Variants in LPP observed in about 807,000 individuals in gnomAD.
LPP encodes the protein LIM domain containing preferred translocation partner in lipoma.
Under a neutral mutation model 60.4 loss-of-function variants are expected in LPP, and 38 were observed. The observed-to-expected ratio is 0.63, with a 90% CI of 0.49 to 0.83. LPP has a LOEUF of 0.83. Among genes scored for constraint, LPP ranks in the 40% least tolerant of loss-of-function variants. The pLI is 0.00. For missense variants in LPP, 902 were observed against 783.6 expected (o/e 1.15, Z -1.80); for synonymous variants, 328 against 290.8 (o/e 1.13, Z -1.30).
At chr3:188,508,429 C>T (rs1053105478) in intron 5 of LPP, among the ~76,000 whole-genome samples, 1 of 152,142 alleles carries the variant, frequency 6.6e-6, no homozygotes, top group African/African-American at 2.4e-5. Flanking sequence ...ACAGCTCTGC[C>T]TAGACAAAAT....
chr3:188,429,072 G>T (rs1790247051), intron 4 of LPP, among the ~76,000 whole-genome samples: 1 of 152,112 alleles, frequency 6.6e-6, no homozygotes, highest in Non-Finnish European at 1.5e-5. Flanking sequence ...GACAGCACTA[G>T]AGTTACCTTG....
At chr3:188,268,812 A>G (rs1034811792) in intron 2 of LPP, among the ~76,000 whole-genome samples, 1 of 152,226 alleles carries the variant, frequency 6.6e-6, no homozygotes, top group African/African-American at 2.4e-5. Context: ...TTCTATTAAC[A>G]GGTACTACCT....
At chr3:188,346,898 G>A (rs1178591762) in intron 3 of LPP, among the ~76,000 whole-genome samples, 1 of 152,108 alleles carries the variant, frequency 6.6e-6, no homozygotes. Flanking sequence ...TTTGTAGCAT[G>A]ACTTTTGGCA....
intron 2 of LPP, among the ~76,000 whole-genome samples, chr3:188,294,430 G>A (rs951938578): frequency 6.6e-6 from 1 of 152,128 alleles, no homozygotes; most frequent in Non-Finnish European, 1.5e-5. Context: ...AGTGCATAGT[G>A]CCAAGTTTTA....
chr3:188,327,214 C>T (rs1758671816), intron 2 of LPP, among the ~76,000 whole-genome samples: 2 of 152,222 alleles, frequency 1.3e-5, no homozygotes, highest in South Asian at 4.2e-4. Flanking sequence ...ACTTTCGCTT[C>T]TCTATTTTTA....
At chr3:188,667,448 A>G (rs1441869519) in intron 7 of LPP, among the ~76,000 whole-genome samples, 1 of 150,988 alleles carries the variant, frequency 6.6e-6, no homozygotes, top group Non-Finnish European at 1.5e-5. Context: ...ACTGCACTCC[A>G]GCCTGGGTGA....
In LPP at chr3:188,318,753, C is replaced by CTTTTTTTTTTTTTTTTTTTTT. The variant is rs10708836; in HGVS notation, c.-66-22907_-66-22887dup. ...AAAAAATTGAAAAAAAATTATGATT[C>CTTTTTTTTTTTTTTTTTTTTT]TTTTTTTTTTTTTTTTTTTTTTTGA... On this transcript the variant is annotated intron_variant, in intron 2 of 11. Coordinates refer to ENST00000617246, the MANE Select transcript of LPP (RefSeq NM_001375462.1). 1.5e-4 allele frequency among the ~76,000 whole-genome samples: 15 copies of CTTTTTTTTTTTTTTTTTTTTT among 96,832 alleles called. 2 individuals carry two copies. Among genetic ancestry groups the CTTTTTTTTTTTTTTTTTTTTT allele is most frequent in the East Asian group, 1.2e-3 (4 of 3,328 alleles). The allele number at this position is 96,832 out of a possible 152,430, so 63.5% of individuals were successfully genotyped here. A position where few individuals can be genotyped will look rare whatever the true frequency, so the allele number is the denominator to read the frequency against.
At position 188,770,883 on chromosome 3, in the gene LPP, C is replaced by A. The variant is rs1487666188; in HGVS notation, c.1410+10601C>A. Among the ~76,000 whole-genome samples the A allele has an allele frequency of 2.6e-5, 4 of 152,258 alleles. No homozygotes were observed. The East Asian group carries it at 7.7e-4, about 29-fold the overall frequency. ...TCCTCACACTTAGAATGAAAACAAA[C>A]AATAAGAGCAAACCAGTTTGTTATA... is the stretch of plus-strand genomic sequence containing the variant. On this transcript the variant is annotated intron_variant, in intron 9 of 11. Transcript: ENST00000617246.
intron 2 of LPP, among the ~76,000 whole-genome samples, chr3:188,242,406 A>G (rs1379527372): frequency 1.3e-5 from 2 of 151,904 alleles, no homozygotes; most frequent in Non-Finnish European, 2.9e-5. Context: ...AGAGAAGGAA[A>G]AGAAGAAGGA....
chr3:188,409,567 C>CT (rs1784430206), intron 4 of LPP, among the ~76,000 whole-genome samples: 1 of 152,070 alleles, frequency 6.6e-6, no homozygotes, highest in South Asian at 2.1e-4. Flanking sequence ...CTTTTCGTTT[C>CT]TTTTTTTCAT....
Position 188,866,326 on chromosome 3 carries a change from C to G in LPP, c.1537C>G (p.Pro513Ala). The change falls in exon 10 of 12, where the codon CCA becomes GCA. Residue 513 changes from proline to alanine, a missense_variant. By Grantham distance (27) the Pro-to-Ala change is conservative. Coordinates refer to ENST00000617246, the MANE Select transcript of LPP (RefSeq NM_001375462.1). Reference protein sequence around the residue: ...VMCHRSLDGIPFTVDAGGLIH... With the variant: ...VMCHRSLDGIAFTVDAGGLIH... ...GTGCCACCGCAGCCTGGATGGGATCCCATTCACTGTGGATGCTGGCGGGCT... is the reference window on the plus strand; with the variant it reads ...GTGCCACCGCAGCCTGGATGGGATCGCATTCACTGTGGATGCTGGCGGGCT... 1 of 1,581,884 alleles carries G rather than the reference C, an allele frequency of 6.3e-7. No individual in the cohort carries two copies. Among genetic ancestry groups the G allele is most frequent in the Admixed American group, 1.8e-5 (1 of 55,942 alleles).
At chr3:188,374,570 C>T (rs1774357135) in intron 3 of LPP, among the ~76,000 whole-genome samples, 1 of 151,942 alleles carries the variant, frequency 6.6e-6, no homozygotes, top group African/African-American at 2.4e-5. Flanking sequence ...TATCCTGAGA[C>T]TGCTGAAGTT....
intron 7 of LPP, among the ~76,000 whole-genome samples, chr3:188,624,204 A>C (rs944281746): frequency 9.2e-5 from 14 of 152,214 alleles, no homozygotes; most frequent in Admixed American, 8.5e-4. Flanking sequence ...ACTGCTTGCC[A>C]AAAGTCAGGA....
chr3:188,673,246 G>A (rs1857311500), intron 7 of LPP, among the ~76,000 whole-genome samples: 1 of 151,654 alleles, frequency 6.6e-6, no homozygotes, highest in Non-Finnish European at 1.5e-5. Context: ...TTGTTTGTTT[G>A]TTTTTAACTC....
chr3:188,557,634 T>C (rs990930164), intron 6 of LPP, among the ~76,000 whole-genome samples: 1 of 152,148 alleles, frequency 6.6e-6, no homozygotes, highest in African/African-American at 2.4e-5. Flanking sequence ...TCTCTCTCTG[T>C]GTAGTCCATG....
chr3:188,777,011 C>T (rs1417520530), intron 9 of LPP, among the ~76,000 whole-genome samples: 2 of 152,180 alleles, frequency 1.3e-5, no homozygotes, highest in African/African-American at 4.8e-5. Context: ...TGGTATTAAG[C>T]AACTTCACTT....
chr3:188,557,156 A>G (rs1829677381), intron 6 of LPP, among the ~76,000 whole-genome samples: 1 of 151,946 alleles, frequency 6.6e-6, no homozygotes, highest in African/African-American at 2.4e-5. Flanking sequence ...TCTCATTCAT[A>G]TTTCTATAAA....
chr3:188,184,176 C>T (rs1725903402), intron 1 of LPP, among the ~76,000 whole-genome samples: 1 of 152,172 alleles, frequency 6.6e-6, no homozygotes, highest in South Asian at 2.1e-4. Flanking sequence ...ATAAAATGTA[C>T]TTTGGGTAAA....
At chr3:188,648,742 G>A (rs972858371) in intron 7 of LPP, among the ~76,000 whole-genome samples, 5 of 152,130 alleles carry the variant, frequency 3.3e-5, no homozygotes, top group South Asian at 2.1e-4. Flanking sequence ...GTTTAATGAT[G>A]ACTCTGGTGC....
Sources: gnomAD v4.1 joint callset for allele counts (sites outside exome capture counted in the v4.1 genomes callset) on GRCh38, gnomAD v4.1.1 for gene constraint, MANE v1.5 for transcripts, NCBI Gene and HGNC (gene_info 2026-07-23, HGNC 2026-07-21) for gene names.